The following PALLD variants were observed in gnomAD, a reference collection of about 807,000 sequenced individuals.
PALLD encodes palladin, cytoskeletal associated protein, also known as palladin.
PALLD carries 61 observed loss-of-function variants against 123.5 expected under a neutral mutation model. The ratio of observed to expected loss-of-function variants is 0.49; its 90% confidence interval spans 0.40 to 0.61. The LOEUF (loss-of-function observed/expected upper bound fraction) is 0.61. Among genes scored for constraint, PALLD ranks in the 20% least tolerant of loss-of-function variants. The pLI is 0.00. For synonymous variants in PALLD, 465 were observed against 496.4 expected (o/e 0.94, Z 0.84); for missense variants, 1,273 against 1,377.0 (o/e 0.92, Z 1.20).
intron 2 of PALLD, among the ~76,000 whole-genome samples, chr4:168,580,740 T>C (rs559272235): frequency 1.3e-5 from 2 of 152,080 alleles, no homozygotes; most frequent in South Asian, 4.1e-4. Flanking sequence ...CCATCAGTGG[T>C]AGACTGGATA....
At chr4:168,635,808 G>A (rs1776289105) in intron 2 of PALLD, among the ~76,000 whole-genome samples, 1 of 152,180 alleles carries the variant, frequency 6.6e-6, no homozygotes, top group Non-Finnish European at 1.5e-5. Flanking sequence ...TTGAGTCTGT[G>A]TGTGTGTCCA....
chr4:168,913,313 T>C (rs1052742412), intron 15 of PALLD, among the ~76,000 whole-genome samples: 2 of 151,780 alleles, frequency 1.3e-5, no homozygotes, highest in African/African-American at 4.8e-5. Context: ...ATTTTTGTAT[T>C]TTTTTAGTAG....
At chr4:168,631,030 GT>G (rs1487101403) in intron 2 of PALLD, among the ~76,000 whole-genome samples, 1 of 152,168 alleles carries the variant, frequency 6.6e-6, no homozygotes, top group African/African-American at 2.4e-5. Flanking sequence ...CTAGACATTG[GT>G]GGAAAGACTT....
At position 168,760,064 on chromosome 4, in the gene PALLD, T is replaced by C. The variant is rs537451043; in HGVS notation, c.1964+48141T>C. On this transcript the variant is annotated intron_variant, in intron 10 of 21. Coordinates refer to ENST00000505667, the MANE Select transcript of PALLD (RefSeq NM_001166108.2). Reference sequence around the variant, plus strand: ...GACTGTCTCAAAAAAAAAAAAAAAATTTATGTGCTGTCACAACTGCAAGGC... The same window carrying C: ...GACTGTCTCAAAAAAAAAAAAAAAACTTATGTGCTGTCACAACTGCAAGGC... 1.7e-3 allele frequency among the ~76,000 whole-genome samples: 249 copies of C among 149,456 alleles called. 1 individual carries two copies. Among genetic ancestry groups the C allele is most frequent in the Non-Finnish European group, 3.0e-3 (201 of 67,388 alleles).
chr4:168,846,340 A>G (rs1278779268), intron 10 of PALLD, among the ~76,000 whole-genome samples: 2 of 152,242 alleles, frequency 1.3e-5, no homozygotes, highest in African/African-American at 4.8e-5. Context: ...TTAAGCAGCT[A>G]TAGGTACTTG....
intron 2 of PALLD, among the ~76,000 whole-genome samples, chr4:168,555,188 T>C (rs1396559106): frequency 1.3e-5 from 2 of 152,166 alleles, no homozygotes; most frequent in Non-Finnish European, 2.9e-5. Flanking sequence ...TGGGGTGTTT[T>C]CCCCAGTGAA....
At chr4:168,559,151 C>G (rs763880922) in intron 2 of PALLD, among the ~76,000 whole-genome samples, 29 of 152,048 alleles carry the variant, frequency 1.9e-4, no homozygotes, top group Admixed American at 4.6e-4. Flanking sequence ...AAATGGAACT[C>G]TGGATTTTTA....
intron 3 of PALLD, among the ~76,000 whole-genome samples, chr4:168,669,139 A>G (rs979443400): frequency 1.3e-5 from 2 of 152,204 alleles, no homozygotes; most frequent in African/African-American, 4.8e-5. Flanking sequence ...TATAGAAAGA[A>G]TATTAAAATC....
At chr4:168,528,189 A>G (rs1764259106) in intron 2 of PALLD, among the ~76,000 whole-genome samples, 1 of 152,180 alleles carries the variant, frequency 6.6e-6, no homozygotes, top group Non-Finnish European at 1.5e-5. Flanking sequence ...GATGACCCAT[A>G]ATTATTATCC....
intron 2 of PALLD, among the ~76,000 whole-genome samples, chr4:168,563,515 T>C (rs1228467631): frequency 6.6e-6 from 1 of 152,180 alleles, no homozygotes; most frequent in Non-Finnish European, 1.5e-5. Flanking sequence ...ATATTACATA[T>C]AAAACTATTT....
intron 2 of PALLD, among the ~76,000 whole-genome samples, chr4:168,571,876 C>T (rs1450267136): frequency 6.6e-6 from 1 of 152,112 alleles, no homozygotes; most frequent in Non-Finnish European, 1.5e-5. Flanking sequence ...GACTGAGTTA[C>T]AGCATTTTTG....
At chr4:168,525,949 A>T (rs1030387183) in intron 2 of PALLD, among the ~76,000 whole-genome samples, 1 of 152,232 alleles carries the variant, frequency 6.6e-6, no homozygotes, top group Admixed American at 6.5e-5. Context: ...ATACTGTAAC[A>T]CTTATGTTGC....
At chr4:168,620,994 C>T (rs1293858059) in intron 2 of PALLD, among the ~76,000 whole-genome samples, 1 of 152,200 alleles carries the variant, frequency 6.6e-6, no homozygotes, top group Non-Finnish European at 1.5e-5. Context: ...TGTGCTGGCC[C>T]TCTGAATCCA....
chr4:168,799,512 T>G (rs1423783222), intron 10 of PALLD, among the ~76,000 whole-genome samples: 1 of 152,214 alleles, frequency 6.6e-6, no homozygotes, highest in South Asian at 2.1e-4. Context: ...CTACCTTTTA[T>G]TCAGATAATG....
intron 2 of PALLD, among the ~76,000 whole-genome samples, chr4:168,575,466 A>T (rs552634177): frequency 1.9e-4 from 29 of 152,168 alleles, no homozygotes; most frequent in African/African-American, 6.7e-4. Context: ...AACCGCCCCC[A>T]TGATCCAATC....
intron 10 of PALLD, among the ~76,000 whole-genome samples, chr4:168,813,022 G>A (rs1741387448): frequency 6.6e-6 from 1 of 152,122 alleles, no homozygotes; most frequent in Admixed American, 6.6e-5. Flanking sequence ...CAAATTGATG[G>A]TTGGAATGCT....
At chr4:168,681,468 C>T (rs1031460032) in intron 4 of PALLD, 70 bp downstream of exon 4, 2 of 998,362 alleles carry the variant, frequency 2.0e-6, no homozygotes, top group Middle Eastern at 2.1e-4. Flanking sequence ...GGTATGAAAC[C>T]ATGTTTGCTG....
At chr4:168,507,103 A>G (rs1038972818) in intron 1 of PALLD, among the ~76,000 whole-genome samples, 1 of 152,078 alleles carries the variant, frequency 6.6e-6, no homozygotes, top group Non-Finnish European at 1.5e-5. Flanking sequence ...AGACATCAAC[A>G]CCAGAGTTAC....
intron 1 of PALLD, among the ~76,000 whole-genome samples, chr4:168,503,688 A>G (rs1210026057): frequency 1.3e-5 from 2 of 151,966 alleles, no homozygotes; most frequent in Non-Finnish European, 1.5e-5. Context: ...AAGGAAGCAC[A>G]TTTTAAGCAA....
Sources: allele counts gnomAD v4.1 joint callset (sites outside exome capture counted in the v4.1 genomes callset), GRCh38; gene constraint gnomAD v4.1.1; transcripts MANE v1.5; gene names NCBI Gene and HGNC (gene_info 2026-07-23, HGNC 2026-07-21).